Variants in GP6 observed in about 807,000 individuals in gnomAD.
GP6 encodes platelet glycoprotein VI.
Under a neutral mutation model 37.3 loss-of-function variants are expected in GP6, and 45 were observed. The observed-to-expected ratio is 1.21, with a 90% CI of 0.95 to 1.55. The LOEUF (loss-of-function observed/expected upper bound fraction) is 1.55, where lower values mean the gene tolerates loss of function less well. Among genes scored for constraint, GP6 ranks in the 40% most tolerant of loss-of-function variants. The probability of loss-of-function intolerance (pLI) is 0.00; values close to 1 mark genes in which losing one functional copy is unlikely to be tolerated. For synonymous variants in GP6, 340 were observed against 316.4 expected (o/e 1.07, Z -0.79); for missense variants, 813 against 760.2 (o/e 1.07, Z -0.82).
intron 5 of GP6, among the ~76,000 whole-genome samples, chr19:55,022,064 A>G (rs1285530814): frequency 2.0e-5 from 3 of 151,698 alleles, no homozygotes; most frequent in Non-Finnish European, 2.9e-5. Context: ...TTGTGAATTG[A>G]TAGATTGCAA....
intron 6 of GP6, among the ~76,000 whole-genome samples, chr19:55,017,152 T>C (rs2073906690): frequency 6.6e-6 from 1 of 150,990 alleles, no homozygotes; most frequent in Non-Finnish European, 1.5e-5. Context: ...AGTCTCACTC[T>C]GTTGCCCAGG....
chr19:55,032,827 G>A (rs562506068), intron 1 of GP6: 11 of 593,430 alleles, frequency 1.9e-5, no homozygotes, highest in Admixed American at 5.7e-5. Context: ...GCATGGTGGC[G>A]TACTGCTCTC....
At chr19:55,029,299 G>A in intron 3 of GP6, among the ~76,000 whole-genome samples, 1 of 121,750 alleles carries the variant, frequency 8.2e-6, no homozygotes, top group African/African-American at 3.1e-5. Flanking sequence ...CTGTCACCCA[G>A]GCTGGAGTGC....
At chr19:55,034,254 G>A (rs1408158321) in intron 1 of GP6, among the ~76,000 whole-genome samples, 1 of 151,898 alleles carries the variant, frequency 6.6e-6, no homozygotes, top group Non-Finnish European at 1.5e-5. Flanking sequence ...CAAGTCTGCT[G>A]TGAGGTAAGA....
At position 55,014,678 on chromosome 19, in the gene GP6, G is replaced by A; in HGVS notation, c.1267C>T (p.Pro423Ser). 1 of 1,613,758 alleles carries A rather than the reference G, an allele frequency of 6.2e-7. No homozygotes were observed. Among genetic ancestry groups the A allele is most frequent in the East Asian group, 2.2e-5 (1 of 44,866 alleles). Reference sequence around the variant, plus strand: ...GTCATCCACAGTGTGCAGGGAGGAGGATGGGGTCTCCACAGATTCCTTCCA... The same window carrying A: ...GTCATCCACAGTGTGCAGGGAGGAGAATGGGGTCTCCACAGATTCCTTCCA... The change falls in exon 8 of 8, where the codon CCT (proline) becomes TCT (serine). Residue 423 changes from proline to serine, a missense_variant. Physicochemically the swap from Pro to Ser is moderately conservative, Grantham distance 74 (BLOSUM62 -1). Coordinates refer to ENST00000310373, the MANE Select transcript of GP6 (RefSeq NM_001083899.2).
intron 3 of GP6, among the ~76,000 whole-genome samples, 182 bp downstream of exon 3, chr19:55,031,957 A>G (rs1310159715): frequency 1.3e-5 from 2 of 152,202 alleles, no homozygotes; most frequent in Admixed American, 1.3e-4. Flanking sequence ...TGGGTGACGC[A>G]GCAAGACCCT....
chr19:55,034,511 A>G (rs1398141386), intron 1 of GP6, among the ~76,000 whole-genome samples: 1 of 151,630 alleles, frequency 6.6e-6, no homozygotes, highest in Non-Finnish European at 1.5e-5. Context: ...AGCCAAGATC[A>G]CGCCACTACA....
At chr19:55,024,309 T>TGCACGCACACATGCACGCACACAC in intron 5 of GP6, among the ~76,000 whole-genome samples, 1 of 130,056 alleles carries the variant, frequency 7.7e-6, no homozygotes, top group South Asian at 2.4e-4. Flanking sequence ...TGCACACACA[T>TGCACGCACACATGCACGCACACAC]ATGCACGCAC....
chr19:55,034,149 C>CGTGT (rs1568646806), intron 1 of GP6, among the ~76,000 whole-genome samples: 37 of 72,010 alleles, frequency 5.1e-4, no homozygotes, highest in East Asian at 2.9e-3. Flanking sequence ...TATATGTATG[C>CGTGT]ATGTGTGTGT....
In GP6 at chr19:55,027,622, T is replaced by G; in HGVS notation, c.566A>C (p.Tyr189Ser). The change falls in exon 4 of 8, where the codon TAC becomes TCC. Residue 189 changes from tyrosine to serine, a missense_variant. Coordinates refer to ENST00000310373, the MANE Select transcript of GP6 (RefSeq NM_001083899.2). The stretch of plus-strand genomic sequence containing the variant: ...GGGGTCGCTGGGGGCTGACCACAGG[T>G]ATGGGTCCCTGCTGGAGAAGCTGTA... 6.2e-7 allele frequency: 1 copy of G among 1,613,656 alleles called. No individual in the cohort carries two copies. The highest frequency in any genetic ancestry group is 8.5e-7 in the Non-Finnish European group (1 of 1,179,606).
intron 1 of GP6, among the ~76,000 whole-genome samples, chr19:55,034,149 C>CGT (rs1568646806): frequency 1.3e-3 from 93 of 72,010 alleles, no homozygotes; most frequent in African/African-American, 2.3e-3. Context: ...TATATGTATG[C>CGT]ATGTGTGTGT....
chr19:55,032,032 G>T, intron 3 of GP6, 107 bp downstream of exon 3: 1 of 1,092,236 alleles, frequency 9.2e-7, no homozygotes. Flanking sequence ...CACCCGCTAG[G>T]CCAGTGCCTC....
rs2074395613 is a variant in GP6, at chr19:55,028,504, TCA to T, written c.326-644_326-643del. On this transcript the variant is annotated intron_variant, in intron 3 of 7. Coordinates refer to ENST00000310373, the MANE Select transcript of GP6 (RefSeq NM_001083899.2). ...CTAAGAGGGTAGATTATAAGTATTC[TCA>T]CACACAAAAAAGTTAACTGTGTCAG... 2.6e-5 allele frequency among the ~76,000 whole-genome samples: 4 copies of T among 152,292 alleles called. No homozygotes were observed. The South Asian group carries it at 6.2e-4, about 24-fold the overall frequency.
chr19:55,020,595 T>C (rs1310751228), intron 5 of GP6, among the ~76,000 whole-genome samples: 1 of 152,192 alleles, frequency 6.6e-6, no homozygotes. Flanking sequence ...GTATATGTAC[T>C]GTATTTGCTT....
At position 55,027,880 on chromosome 19, in the gene GP6, T is replaced by C. The variant is rs1168775993; in HGVS notation, c.326-18A>G. The C allele has an allele frequency of 6.2e-7, 1 of 1,613,524 alleles. No individual in the cohort carries two copies. The highest frequency in any genetic ancestry group is 8.5e-7 in the Non-Finnish European group (1 of 1,179,628). The stretch of plus-strand genomic sequence containing the variant: ...AAAAACTCCTGGGAGAAAAAGAAAG[T>C]CTGATGTTGAAGGCAGGAGCCAGCA... On this transcript the variant is annotated intron_variant, in intron 3 of 7. Transcript: ENST00000310373.
At chr19:55,024,315 C>G in intron 5 of GP6, among the ~76,000 whole-genome samples, 1 of 135,648 alleles carries the variant, frequency 7.4e-6, no homozygotes, top group Non-Finnish European at 1.5e-5. Flanking sequence ...CACATATGCA[C>G]GCACACACAC....
At chr19:55,018,082 T>TAAAAAC (rs1174218266) in intron 6 of GP6, among the ~76,000 whole-genome samples, 2 of 150,832 alleles carry the variant, frequency 1.3e-5, no homozygotes, top group Admixed American at 6.6e-5. Flanking sequence ...AAATAAAAAA[T>TAAAAAC]AGAACTACGT....
rs2073743509 is a variant in GP6 at position 55,014,025 on chromosome 19, G to A, written c.*57C>T. ...TGATTTTAAAAATGTATACAGAATT[G>A]TACATATTTATGGGGTGGACAGCAA... On this transcript the variant is annotated 3_prime_UTR_variant, in exon 8 of 8. Coordinates refer to ENST00000310373, the MANE Select transcript of GP6 (RefSeq NM_001083899.2). 1 of 541,990 alleles carries A rather than the reference G, an allele frequency of 1.8e-6. No individual in the cohort carries two copies. Among genetic ancestry groups the A allele is most frequent in the Non-Finnish European group, 3.5e-6 (1 of 282,554 alleles). 33.6% of individuals were successfully genotyped at this position (541,990 alleles called of 1,614,324 possible). A position where few individuals can be genotyped will look rare whatever the true frequency, so the allele number is the denominator to read the frequency against.
intron 1 of GP6, among the ~76,000 whole-genome samples, chr19:55,034,120 G>A (rs966596762): frequency 6.7e-5 from 7 of 104,770 alleles, no homozygotes; most frequent in African/African-American, 1.8e-4. Context: ...ATACACACGT[G>A]TATATGTATG....
Sources: allele counts gnomAD v4.1 joint callset (sites outside exome capture counted in the v4.1 genomes callset), GRCh38; gene constraint gnomAD v4.1.1; transcripts MANE v1.5; gene names NCBI Gene and HGNC (gene_info 2026-07-23, HGNC 2026-07-21).